The following ZC3H12B variants were observed in gnomAD, a reference collection of about 807,000 sequenced individuals.
ZC3H12B encodes the protein zinc finger CCCH-type containing 12B.
Under a neutral mutation model 43.9 loss-of-function variants are expected in ZC3H12B, and 7 were observed. The observed-to-expected ratio is 0.16, with a 90% CI of 0.09 to 0.30. The LOEUF (loss-of-function observed/expected upper bound fraction) is 0.30, where lower values mean the gene tolerates loss of function less well. Ranked by LOEUF, ZC3H12B falls within the 10% of genes least tolerant of loss-of-function variation. ZC3H12B has a pLI of 1.00. For synonymous variants in ZC3H12B, 222 were observed against 241.7 expected, an observed-to-expected ratio of 0.92 and a Z score of 0.76; for missense variants, 475 against 670.2, an observed-to-expected ratio of 0.71 and a Z score of 3.22.
chrX:65,244,727 C>CAAAAAAAAAAAA, the ZC3H12B span, among the ~76,000 whole-genome samples: 6 of 20,360 alleles, frequency 2.9e-4, no homozygotes, highest in East Asian at 2.0e-3. Context: ...AATACCTTGC[C>CAAAAAAAAAAAA]AAAAAAAAAA....
the ZC3H12B span, among the ~76,000 whole-genome samples, chrX:65,347,590 G>A: frequency 3.6e-5 from 4 of 111,982 alleles, no homozygotes; most frequent in African/African-American, 1.3e-4. Flanking sequence ...GAAACAGCAG[G>A]TGCTGGAGAG....
At chrX:65,377,673 A>G (rs2066365562) in intron 2 of ZC3H12B, among the ~76,000 whole-genome samples, 1 of 111,937 alleles carries the variant, frequency 8.9e-6, no homozygotes, top group African/African-American at 3.2e-5. Context: ...AAAATTCTTC[A>G]AACATAATGA....
chrX:65,252,710 A>G, the ZC3H12B span, among the ~76,000 whole-genome samples: 1 of 111,919 alleles, frequency 8.9e-6, no homozygotes, highest in East Asian at 2.8e-4. Context: ...TTGATCTAAT[A>G]CAGATCTTTT....
At chrX:65,125,523 T>C in the ZC3H12B span, among the ~76,000 whole-genome samples, 2 of 111,595 alleles carry the variant, frequency 1.8e-5, no homozygotes, top group African/African-American at 3.3e-5. Context: ...GAATTCATTG[T>C]TTTTTGTTAA....
chrX:65,437,354 G>C (rs2067234117), intron 3 of ZC3H12B, among the ~76,000 whole-genome samples: 1 of 111,854 alleles, frequency 8.9e-6, no homozygotes, highest in Admixed American at 9.5e-5. Context: ...CTCCATGAAT[G>C]TAACTGTTTT....
At chrX:65,070,424 T>G in the ZC3H12B span, among the ~76,000 whole-genome samples, 1 of 111,418 alleles carries the variant, frequency 9.0e-6, no homozygotes, top group Admixed American at 9.5e-5. Context: ...TTTTTGTATC[T>G]CAATCTCCTT....
chrX:65,179,995 CTTATT>C, the ZC3H12B span, among the ~76,000 whole-genome samples: 2 of 111,947 alleles, frequency 1.8e-5, no homozygotes, highest in Admixed American at 9.6e-5. Flanking sequence ...TTCTCCCTAA[CTTATT>C]TTATGAGGCC....
the ZC3H12B span, among the ~76,000 whole-genome samples, chrX:65,040,740 A>T: frequency 1.8e-5 from 2 of 111,449 alleles, no homozygotes; most frequent in Non-Finnish European, 3.8e-5. Context: ...ATATTTCTAA[A>T]GTCCTTAAAG....
chrX:65,290,356 T>TG, the ZC3H12B span, among the ~76,000 whole-genome samples: 2 of 110,177 alleles, frequency 1.8e-5, no homozygotes, highest in Admixed American at 1.9e-4. Context: ...GGCAAAGATG[T>TG]GGGGAAAAAG....
At chrX:65,360,341 C>A in the ZC3H12B span, among the ~76,000 whole-genome samples, 1 of 112,062 alleles carries the variant, frequency 8.9e-6, no homozygotes, top group Non-Finnish European at 1.9e-5. Flanking sequence ...CTTCAATAAA[C>A]CTGTTTTGTG....
the ZC3H12B span, among the ~76,000 whole-genome samples, chrX:65,140,563 A>G: frequency 3.3e-3 from 371 of 111,093 alleles, no homozygotes; most frequent in Non-Finnish European, 5.6e-3. Flanking sequence ...TTTCTTTTCT[A>G]TTCTTTTCTT....
chrX:65,070,740 A>AT, the ZC3H12B span, among the ~76,000 whole-genome samples: 1 of 104,509 alleles, frequency 9.6e-6, no homozygotes, highest in African/African-American at 3.5e-5. Flanking sequence ...TAATTGTATG[A>AT]TTTTGAGCAA....
chrX:65,224,692 G>T, the ZC3H12B span, among the ~76,000 whole-genome samples: 30 of 112,066 alleles, frequency 2.7e-4, no homozygotes, highest in African/African-American at 7.5e-4. Flanking sequence ...TTTTCCGACG[G>T]GCTTAAAAAA....
chrX:65,310,525 T>C, the ZC3H12B span, among the ~76,000 whole-genome samples: 169 of 112,192 alleles, frequency 1.5e-3, no homozygotes, highest in Non-Finnish European at 2.9e-3. Flanking sequence ...GAACATTCTA[T>C]GCTCATGGAT....
chrX:65,406,446 C>A (rs190989724), intron 3 of ZC3H12B, among the ~76,000 whole-genome samples: 1 of 104,961 alleles, frequency 9.5e-6, no homozygotes, highest in African/African-American at 3.5e-5. Flanking sequence ...AATTCAACAT[C>A]CCTTCATGAT....
the ZC3H12B span, among the ~76,000 whole-genome samples, chrX:65,211,216 A>G: frequency 9.2e-6 from 1 of 109,086 alleles, no homozygotes; most frequent in Non-Finnish European, 1.9e-5. Context: ...GCCCTTTGTC[A>G]GATGGATAGA....
At chrX:65,194,425 TA>T in the ZC3H12B span, among the ~76,000 whole-genome samples, 1 of 111,032 alleles carries the variant, frequency 9.0e-6, no homozygotes, top group Non-Finnish European at 1.9e-5. Context: ...AAAATTTATT[TA>T]TTGACTCACT....
chrX:65,111,092 C>G, the ZC3H12B span, among the ~76,000 whole-genome samples: 1 of 111,260 alleles, frequency 9.0e-6, no homozygotes, highest in Non-Finnish European at 1.9e-5. Flanking sequence ...ATCCTGAGAC[C>G]TTGCTGAATT....
chrX:65,267,084 A>G, the ZC3H12B span, among the ~76,000 whole-genome samples: 2 of 110,823 alleles, frequency 1.8e-5, no homozygotes, highest in Admixed American at 9.7e-5. Context: ...TTTGGGCTCC[A>G]CACAAGCAGG....
Sources: gnomAD v4.1 joint callset for allele counts (sites outside exome capture counted in the v4.1 genomes callset) on GRCh38, gnomAD v4.1.1 for gene constraint, MANE v1.5 for transcripts, NCBI Gene and HGNC (gene_info 2026-07-23, HGNC 2026-07-21) for gene names.